Variants in SLC41A3 observed in about 807,000 individuals in gnomAD.
The protein encoded by SLC41A3 is SLC41A1-like 2.
SLC41A3 carries 44 observed loss-of-function variants against 45.4 expected under a neutral mutation model. The observed-to-expected ratio is 0.97, with a 90% CI of 0.76 to 1.25. SLC41A3 has a LOEUF of 1.25. Ranked by LOEUF, SLC41A3 falls within the 50% of genes most tolerant of loss-of-function variation. SLC41A3 has a pLI of 0.00. For synonymous variants in SLC41A3, 256 were observed against 252.4 expected, an observed-to-expected ratio of 1.01 and a Z score of -0.13; for missense variants, 550 against 600.6, an observed-to-expected ratio of 0.92 and a Z score of 0.88.
At chr3:126,052,071 A>G (rs1228162348) in intron 2 of SLC41A3, among the ~76,000 whole-genome samples, 2 of 152,180 alleles carry the variant, frequency 1.3e-5, no homozygotes, top group Admixed American at 6.5e-5. Context: ...GAAGATGAGC[A>G]CTGTTTAGTT....
rs1175011946 is a variant in SLC41A3 at position 126,095,336 on chromosome 3, C to A, written c.-79+6093G>T. The stretch of plus-strand genomic sequence containing the variant: ...ATGCTCAGGAGGACCCCAACTGTCA[C>A]AAGCAACACCTGTTGAACACAACCA... On this transcript the variant is annotated intron_variant, in intron 1 of 9. Coordinates refer to the SLC41A3 transcript ENST00000508835. 3 of 571,448 alleles carry A rather than the reference C, an allele frequency of 5.2e-6. No individual in the cohort carries two copies. The Admixed American group carries it at 9.0e-5, about 17-fold the overall frequency. The allele number at this position is 571,448 out of a possible 1,614,324, so 35.4% of individuals were successfully genotyped here. A position where few individuals can be genotyped will look rare whatever the true frequency, so the allele number is the denominator to read the frequency against.
chr3:126,036,121 G>A (rs1405628990), intron 3 of SLC41A3, among the ~76,000 whole-genome samples: 1 of 152,184 alleles, frequency 6.6e-6, no homozygotes. Flanking sequence ...AGGCTTCTAC[G>A]AAAAATCTCA....
intron 6 of SLC41A3, 60 bp downstream of exon 6, chr3:126,022,726 C>CCAG (rs1387950182): frequency 2.5e-6 from 4 of 1,600,706 alleles, no homozygotes; most frequent in Non-Finnish European, 3.4e-6. Flanking sequence ...TCAGTGGTGA[C>CCAG]CTGCTCCAGG....
At chr3:126,056,888 A>G in intron 2 of SLC41A3, 1 of 1,149,414 alleles carries the variant, frequency 8.7e-7, no homozygotes, top group Non-Finnish European at 1.1e-6. Flanking sequence ...ATGGAGGCTC[A>G]TGGTCCCTCT....
chr3:126,095,921 C>T (rs1223148845), intron 1 of SLC41A3, among the ~76,000 whole-genome samples: 1 of 152,150 alleles, frequency 6.6e-6, no homozygotes, highest in African/African-American at 2.4e-5. Context: ...TTATCTGGAA[C>T]CATGGCAGTA....
rs553648889 is a variant in SLC41A3, at chr3:126,034,129, C to A, written c.382-451G>T. ...TGTGAAGCCCAGTCTTTGGCCAGGT[C>A]CCCCTGCCACCTACAACACCCTCCT... On this transcript the variant is annotated intron_variant, in intron 3 of 10. Transcript: ENST00000360370. Among the ~76,000 whole-genome samples, 3 of 152,208 alleles carry A rather than the reference C, an allele frequency of 2.0e-5. No individual in the cohort carries two copies. In the South Asian group the frequency reaches 6.2e-4, roughly 32 times the overall value.
rs1374976705 is a variant in SLC41A3, at chr3:126,006,786, ACAT to A, written c.*227_*229del. ...TTGCACGCTCATTAAGCATGTGCAC[ACAT>A]CATATTCACACACTCAAGCCATGCT... On this transcript the variant is annotated 3_prime_UTR_variant, in exon 11 of 11. Coordinates refer to ENST00000360370, the MANE Select transcript of SLC41A3 (RefSeq NM_017836.4). 1 of 1,443,030 alleles carries A rather than the reference ACAT, an allele frequency of 6.9e-7. No individual in the cohort carries two copies. The highest frequency in any genetic ancestry group is 9.1e-7 in the Non-Finnish European group (1 of 1,104,674). The allele number at this position is 1,443,030 out of a possible 1,614,324, so 89.4% of individuals were successfully genotyped here. A position where few individuals can be genotyped will look rare whatever the true frequency, so the allele number is the denominator to read the frequency against.
chr3:126,057,833 A>G (rs1364691712), intron 2 of SLC41A3: 1 of 152,230 alleles, frequency 6.6e-6, no homozygotes, highest in Non-Finnish European at 1.5e-5. Flanking sequence ...CCCTCATAGG[A>G]GCAATGCATA....
chr3:126,051,383 T>C (rs1378133522), intron 2 of SLC41A3, among the ~76,000 whole-genome samples: 1 of 152,132 alleles, frequency 6.6e-6, no homozygotes, highest in Non-Finnish European at 1.5e-5. Context: ...TGGGAATTTC[T>C]CATGAATGGG....
chr3:126,091,372 T>A (rs1379674666), intron 1 of SLC41A3, among the ~76,000 whole-genome samples: 4 of 151,962 alleles, frequency 2.6e-5, no homozygotes, highest in African/African-American at 7.3e-5. Flanking sequence ...AGACAACACA[T>A]GAAAGATTTA....
Position 126,026,591 on chromosome 3 carries a change from C to T in SLC41A3, c.454-112G>A. The T allele has an allele frequency of 2.2e-6, 3 of 1,337,750 alleles. No homozygotes were observed. In the South Asian group the frequency reaches 4.3e-5, roughly 19 times the overall value. The allele number at this position is 1,337,750 out of a possible 1,614,324, so 82.9% of individuals were successfully genotyped here. ...GCCGGGTGCCACATGCTACTGCCTC[C>T]TTTCCCTTACCCTAAAATCTCACAG... On this transcript the variant is annotated intron_variant, in intron 4 of 10. Transcript: ENST00000360370. This position sits in a 1 kb window ranked among gnomAD's most constrained non-coding sequence, Gnocchi z 4.2.
intron 6 of SLC41A3, among the ~76,000 whole-genome samples, chr3:126,021,945 C>T (rs10934742): frequency 0.29 from 43,488 of 152,004 alleles, 6,358 homozygotes; most frequent in African/African-American, 0.33. Context: ...ATCACAAATT[C>T]CAGGTACATG....
chr3:126,083,616 T>G (rs1395457884), intron 1 of SLC41A3, among the ~76,000 whole-genome samples: 1 of 151,934 alleles, frequency 6.6e-6, no homozygotes, highest in East Asian at 1.9e-4. Flanking sequence ...GAGGGGTCCC[T>G]GCGCGCGGGC....
intron 1 of SLC41A3, among the ~76,000 whole-genome samples, chr3:126,098,330 C>T (rs1231200331): frequency 6.6e-6 from 1 of 152,186 alleles, no homozygotes; most frequent in Non-Finnish European, 1.5e-5. Context: ...AAGAAGGTTA[C>T]CATCTGCAAG....
chr3:126,043,151 C>T (rs925851235), intron 3 of SLC41A3, among the ~76,000 whole-genome samples: 1 of 152,002 alleles, frequency 6.6e-6, no homozygotes, highest in Non-Finnish European at 1.5e-5. Context: ...TCAAAGCCAA[C>T]AGAGGAAAGA....
At chr3:126,044,955 G>A (rs1181206810) in intron 3 of SLC41A3, among the ~76,000 whole-genome samples, 1 of 144,080 alleles carries the variant, frequency 6.9e-6, no homozygotes, top group Non-Finnish European at 1.5e-5. Context: ...AATCACAAGG[G>A]AGTAAAACTA....
At chr3:126,045,346 AT>A (rs938687813) in intron 3 of SLC41A3, among the ~76,000 whole-genome samples, 1 of 67,300 alleles carries the variant, frequency 1.5e-5, no homozygotes, top group Non-Finnish European at 3.3e-5. Context: ...CTAAGAATTG[AT>A]TGGTTCCTCA....
intron 6 of SLC41A3, among the ~76,000 whole-genome samples, chr3:126,020,716 G>A (rs565230996): frequency 1.3e-5 from 2 of 152,184 alleles, no homozygotes; most frequent in South Asian, 4.2e-4. Flanking sequence ...CCGGTAAGAA[G>A]CATTTTATAA....
intron 5 of SLC41A3, chr3:126,023,950 T>C (rs1183411247): frequency 6.6e-6 from 1 of 152,260 alleles, no homozygotes; most frequent in Non-Finnish European, 1.5e-5. Flanking sequence ...CAAGCTGGTT[T>C]GTGCCTTGCC....
Sources: gnomAD v4.1 joint callset for allele counts (sites outside exome capture counted in the v4.1 genomes callset) on GRCh38, gnomAD v4.1.1 for gene constraint, Gnocchi (gnomAD v3.1) non-coding constraint, MANE v1.5 for transcripts, NCBI Gene and HGNC (gene_info 2026-07-23, HGNC 2026-07-21) for gene names.